Variants in TMEM9 observed in about 807,000 individuals in gnomAD.
TMEM9 encodes the protein proton-transporting V-type ATPase complex assembly regulator TMEM9.
Under a neutral mutation model 22.8 loss-of-function variants are expected in TMEM9, and 13 were observed. That is an observed-to-expected ratio of 0.57 (90% confidence interval 0.37 to 0.91). The LOEUF (loss-of-function observed/expected upper bound fraction) is 0.91, where lower values mean the gene tolerates loss of function less well. Among genes scored for constraint, TMEM9 ranks in the 40% least tolerant of loss-of-function variants. The probability of loss-of-function intolerance (pLI) is 0.01; values close to 1 mark genes in which losing one functional copy is unlikely to be tolerated. For missense variants in TMEM9, 182 were observed against 238.1 expected (o/e 0.76, Z 1.55); for synonymous variants, 88 against 93.0 (o/e 0.95, Z 0.31).
At chr1:201,151,919 G>T in intron 1 of TMEM9, 67 bp from the exon 2 acceptor site, 3 of 1,255,944 alleles carry the variant, frequency 2.4e-6, no homozygotes, top group Non-Finnish European at 3.5e-6. Flanking sequence ...TCAGGCTCTA[G>T]CAAGGTTGTC....
At chr1:201,142,980 T>C (rs1046682824) in intron 4 of TMEM9, among the ~76,000 whole-genome samples, 139 of 152,240 alleles carry the variant, frequency 9.1e-4, no homozygotes, top group African/African-American at 3.3e-3. Context: ...GCCCTTCACC[T>C]GAGCCCTCCT....
intron 2 of TMEM9, among the ~76,000 whole-genome samples, chr1:201,147,587 C>T (rs1476263768): frequency 6.6e-6 from 1 of 152,216 alleles, no homozygotes; most frequent in Non-Finnish European, 1.5e-5. Flanking sequence ...CGCTGCCCTC[C>T]TGCCTCGAGT....
At chr1:201,135,851 G>A (rs764081580) in intron 4 of TMEM9, 36 bp from the exon 5 acceptor site, 34 of 1,547,670 alleles carry the variant, frequency 2.2e-5, no homozygotes, top group Non-Finnish European at 2.7e-5. Context: ...GATCTGGCAC[G>A]GTAAGCCAGA....
At chr1:201,168,152 T>C (rs1666123448) in intron 1 of TMEM9, among the ~76,000 whole-genome samples, 2 of 152,254 alleles carry the variant, frequency 1.3e-5, no homozygotes, top group South Asian at 4.1e-4. Flanking sequence ...ACGATTCACT[T>C]ATCCATTCTA....
upstream of TMEM9, among the ~76,000 whole-genome samples, chr1:201,154,653 C>G (rs3753964): frequency 3.2e-4 from 48 of 152,324 alleles, no homozygotes; most frequent in East Asian, 7.5e-3. Flanking sequence ...GCCTTCCAAA[C>G]TCCTGGGGAA....
intron 3 of TMEM9, chr1:201,144,409 G>T (rs1664791347): frequency 5.3e-6 from 1 of 188,864 alleles, no homozygotes; most frequent in Admixed American, 5.4e-5. Context: ...TGCTCCTGTG[G>T]AGAGCAAGAC....
At chr1:201,165,150 TTATATATATATATATATA>T (rs57281429) in intron 1 of TMEM9, among the ~76,000 whole-genome samples, 1 of 87,076 alleles carries the variant, frequency 1.1e-5, no homozygotes. Flanking sequence ...TAAGAGAAAA[TTATATATATATATATATA>T]TATATATATA....
intron 4 of TMEM9, among the ~76,000 whole-genome samples, chr1:201,136,864 G>A (rs1312553543): frequency 2.0e-5 from 3 of 152,198 alleles, no homozygotes; most frequent in Admixed American, 6.5e-5. Context: ...GCCCAGAGCC[G>A]CCCAGTAAAT....
At chr1:201,152,161 G>GGTGT (rs3222916) in intron 1 of TMEM9, among the ~76,000 whole-genome samples, 2,672 of 150,034 alleles carry the variant, frequency 0.018, 38 homozygotes, top group Middle Eastern at 0.034. Context: ...AGGGGAAATG[G>GGTGT]GTGTGTGTGT....
Position 201,134,907 on chromosome 1 carries a change from G to A in TMEM9, c.*756C>T, listed in dbSNP as rs534722033. On this transcript the variant is annotated 3_prime_UTR_variant, in exon 5 of 5. Coordinates refer to ENST00000367330, the MANE Select transcript of TMEM9 (RefSeq NM_001288565.2). ...AGGCAACCCAAGTACAGGGGCTGTG[G>A]TGTTCAGATCCACGCTCAGCCTCGA... is the stretch of plus-strand genomic sequence containing the variant. 2.0e-4 allele frequency: 30 copies of A among 152,956 alleles called. No homozygotes were observed. The highest frequency in any genetic ancestry group is 1.5e-3 in the Admixed American group (23 of 15,302). 9.5% of individuals were successfully genotyped at this position (152,956 alleles called of 1,614,324 possible).
At position 201,135,476 on chromosome 1, in the gene TMEM9, C is replaced by T. The variant is rs1663905213; in HGVS notation, c.*187G>A. On this transcript the variant is annotated 3_prime_UTR_variant, in exon 5 of 5. Coordinates refer to ENST00000367330, the MANE Select transcript of TMEM9 (RefSeq NM_001288565.2). ...AGAAGACAACAGAGATCAGAGACCA[C>T]ATCCCTCTTCCCTAATCAAAATAGC... 5.3e-6 allele frequency: 3 copies of T among 561,340 alleles called. No individual in the cohort carries two copies. Among genetic ancestry groups the T allele is most frequent in the Non-Finnish European group, 8.9e-6 (3 of 338,178 alleles). The allele number at this position is 561,340 out of a possible 1,614,324, so 34.8% of individuals were successfully genotyped here.
chr1:201,135,850 C>T (rs758364530), intron 4 of TMEM9, 35 bp from the exon 5 acceptor site: 20 of 1,550,196 alleles, frequency 1.3e-5, no homozygotes, highest in African/African-American at 4.1e-5. Context: ...AGATCTGGCA[C>T]GGTAAGCCAG....
At position 201,135,739 on chromosome 1, in the gene TMEM9, C is replaced by T. The variant is rs767918659; in HGVS notation, c.476G>A (p.Gly159Asp). 1.4e-5 allele frequency: 22 copies of T among 1,614,010 alleles called. No homozygotes were observed. The highest frequency in any genetic ancestry group is 1.9e-5 in the Non-Finnish European group (22 of 1,179,942). ...RANTVLERVE[G>D]AQQRWKLQVQ... ...CTGCAGCTTCCACCGCTGCTGGGCA[C>T]CTTCCACACGCTCCAGGACTGTGTT... Residue 159 changes from glycine to aspartate, a missense_variant, in exon 5 of 5, where the codon GGT becomes GAT. By Grantham distance (94) the Gly-to-Asp change is moderately conservative (BLOSUM62 -1). Coordinates refer to ENST00000367330, the MANE Select transcript of TMEM9 (RefSeq NM_001288565.2).
chr1:201,169,396 G>C (rs1666159387), intron 1 of TMEM9, among the ~76,000 whole-genome samples: 1 of 152,194 alleles, frequency 6.6e-6, no homozygotes, highest in Admixed American at 6.5e-5. Flanking sequence ...CTAGAATAAG[G>C]GTAGTGGTGA....
intron 1 of TMEM9, among the ~76,000 whole-genome samples, chr1:201,169,804 T>C (rs1042868788): frequency 7.9e-5 from 12 of 152,222 alleles, no homozygotes; most frequent in African/African-American, 2.9e-4. Context: ...TGAGATCCTG[T>C]GAATCTGGCT....
At chr1:201,163,608 A>C (rs1415115896) in intron 1 of TMEM9, among the ~76,000 whole-genome samples, 1 of 152,160 alleles carries the variant, frequency 6.6e-6, no homozygotes, top group Non-Finnish European at 1.5e-5. Context: ...GAAGTAAATA[A>C]ATAATAAATA....
At chr1:201,156,012 T>C (rs1018553333), upstream of TMEM9, among the ~76,000 whole-genome samples, 1 of 152,106 alleles carries the variant, frequency 6.6e-6, no homozygotes, top group Non-Finnish European at 1.5e-5. Context: ...GTTCAAGTAC[T>C]GGAAAAAGAC....
chr1:201,163,891 A>T (rs763794281), intron 1 of TMEM9, among the ~76,000 whole-genome samples: 39 of 152,360 alleles, frequency 2.6e-4, no homozygotes, highest in South Asian at 1.4e-3. Context: ...TTAGCCTAGA[A>T]AAAAGAAGAC....
chr1:201,141,201 G>A (rs764070165), intron 4 of TMEM9, among the ~76,000 whole-genome samples: 15 of 152,310 alleles, frequency 9.8e-5, no homozygotes, highest in East Asian at 1.9e-4. Context: ...CTGACCACCC[G>A]TCTTACGAAG....
Sources: allele counts gnomAD v4.1 joint callset (sites outside exome capture counted in the v4.1 genomes callset), GRCh38; gene constraint gnomAD v4.1.1; transcripts MANE v1.5; gene names NCBI Gene and HGNC (gene_info 2026-07-23, HGNC 2026-07-21).